Variants in CNTNAP2 observed in about 807,000 individuals in gnomAD.
CNTNAP2 encodes the protein contactin-associated protein-like 2.
CNTNAP2 carries 98 observed loss-of-function variants against 155.2 expected under a neutral mutation model. The observed-to-expected ratio is 0.63, with a 90% CI of 0.54 to 0.75. The LOEUF (loss-of-function observed/expected upper bound fraction) is 0.75, where lower values mean the gene tolerates loss of function less well. Ranked by LOEUF, CNTNAP2 falls within the 30% of genes least tolerant of loss-of-function variation. The probability of loss-of-function intolerance (pLI) is 0.00; values close to 1 mark genes in which losing one functional copy is unlikely to be tolerated. For missense variants in CNTNAP2, 1,727 were observed against 1,688.1 expected, an observed-to-expected ratio of 1.02 and a Z score of -0.40; for synonymous variants, 651 against 631.2, an observed-to-expected ratio of 1.03 and a Z score of -0.47.
In CNTNAP2 at chr7:147,108,318, A is replaced by G. The variant is rs1288111062; in HGVS notation, c.722A>G (p.Lys241Arg). The G allele has an allele frequency of 5.0e-6, 8 of 1,613,552 alleles. No individual in the cohort carries two copies. Among genetic ancestry groups the G allele is most frequent in the Non-Finnish European group, 6.8e-6 (8 of 1,179,760 alleles). ...GGAGATTACATTACCTTGGAACTGA[A>G]AAAAGCCAAGCTGGTCCTCAGTTTA... ...QQGDYITLEL[K>R]KAKLVLSLNL... The change falls in exon 5 of 24, where the codon AAA (lysine) becomes AGA (arginine). Residue 241 changes from lysine (K) to arginine (R), a missense_variant. Physicochemically the swap from Lys to Arg is conservative, Grantham distance 26. Transcript: ENST00000361727.
At chr7:147,582,477 T>A (rs146765704) in intron 12 of CNTNAP2, among the ~76,000 whole-genome samples, 480 of 152,214 alleles carry the variant, frequency 3.2e-3, no homozygotes, top group African/African-American at 0.011. Flanking sequence ...TTTCCTATAT[T>A]TAATATGCAG....
chr7:148,099,889 T>TG (rs1804061031), intron 15 of CNTNAP2, among the ~76,000 whole-genome samples: 2 of 136,472 alleles, frequency 1.5e-5, no homozygotes, highest in African/African-American at 5.9e-5. Flanking sequence ...TTTTTTTTTT[T>TG]TGAGACGGAG....
chr7:147,823,864 A>G (rs17170687), intron 13 of CNTNAP2, among the ~76,000 whole-genome samples: 1,695 of 152,274 alleles, frequency 0.011, 96 homozygotes, highest in Admixed American at 0.091. Context: ...GCATTTTGGT[A>G]TTAATTTGTA....
intron 1 of CNTNAP2, among the ~76,000 whole-genome samples, chr7:146,498,296 T>A (rs1786688662): frequency 6.6e-6 from 1 of 152,170 alleles, no homozygotes. Context: ...TTTGGGAGCC[T>A]CCTTGGCCAT....
intron 1 of CNTNAP2, among the ~76,000 whole-genome samples, chr7:146,409,253 G>A (rs802202): frequency 0.034 from 5,132 of 152,136 alleles, 310 homozygotes; most frequent in African/African-American, 0.12. Context: ...GTCATTTTGC[G>A]AGGCTAATAA....
intron 9 of CNTNAP2, among the ~76,000 whole-genome samples, chr7:147,310,311 T>C (rs1795099987): frequency 6.6e-6 from 1 of 152,172 alleles, no homozygotes; most frequent in Admixed American, 6.5e-5. Context: ...TCAAAAACTC[T>C]TTGACTTTCA....
intron 13 of CNTNAP2, among the ~76,000 whole-genome samples, chr7:147,693,578 T>C (rs908790591): frequency 6.6e-6 from 1 of 152,026 alleles, no homozygotes; most frequent in African/African-American, 2.4e-5. Flanking sequence ...AGGTATATCA[T>C]TTTCGGGGGG....
chr7:148,203,897 GC>G (rs1382929403), intron 18 of CNTNAP2, among the ~76,000 whole-genome samples: 1 of 152,160 alleles, frequency 6.6e-6, no homozygotes, highest in African/African-American at 2.4e-5. Flanking sequence ...GTGCTCCTGG[GC>G]CTGACCACCT....
chr7:148,217,664 C>T (rs1795669912), intron 19 of CNTNAP2, 140 bp downstream of exon 19: 2 of 890,142 alleles, frequency 2.2e-6, no homozygotes, highest in Middle Eastern at 2.5e-4. Flanking sequence ...TCTTTGAACC[C>T]CATTTCTCTC....
intron 3 of CNTNAP2, among the ~76,000 whole-genome samples, chr7:146,848,371 A>T (rs1794803196): frequency 6.6e-6 from 1 of 152,234 alleles, no homozygotes; most frequent in South Asian, 2.1e-4. Context: ...TTTGATAAAT[A>T]GGCACTCACT....
At chr7:147,941,923 T>C (rs1800729780) in intron 14 of CNTNAP2, among the ~76,000 whole-genome samples, 2 of 152,236 alleles carry the variant, frequency 1.3e-5, no homozygotes, top group Admixed American at 6.5e-5. Context: ...ATATTTAAAG[T>C]GTGTACGTTC....
At position 147,373,968 on chromosome 7, in the gene CNTNAP2, A is replaced by G. The variant is rs569762778; in HGVS notation, c.1499-21641A>G. ...CAGATAAATTTATCAGGAAAAAAAA[A>G]GCAAACATAGACTGCAAATCCCTTT... On this transcript the variant is annotated intron_variant, in intron 9 of 23. Transcript: ENST00000361727. 2.6e-4 allele frequency among the ~76,000 whole-genome samples: 39 copies of G among 152,158 alleles called. 1 individual carries two copies. In the South Asian group the frequency reaches 7.0e-3, roughly 27 times the overall value.
intron 1 of CNTNAP2, among the ~76,000 whole-genome samples, chr7:146,275,318 A>G (rs549644220): frequency 6.6e-6 from 1 of 152,218 alleles, no homozygotes; most frequent in Non-Finnish European, 1.5e-5. Flanking sequence ...TAACTTAACA[A>G]GACTATAGTG....
At chr7:147,051,242 G>A (rs1250883373) in intron 4 of CNTNAP2, among the ~76,000 whole-genome samples, 3 of 149,732 alleles carry the variant, frequency 2.0e-5, no homozygotes, top group African/African-American at 7.3e-5. Context: ...GTTTAAGTGA[G>A]CAAAAAATAA....
intron 12 of CNTNAP2, among the ~76,000 whole-genome samples, chr7:147,578,884 C>G (rs1393567516): frequency 6.6e-6 from 1 of 152,058 alleles, no homozygotes; most frequent in Non-Finnish European, 1.5e-5. Flanking sequence ...AGAAAACTCA[C>G]AAAGTTTATG....
At chr7:147,220,412 AT>A (rs1305497733) in intron 8 of CNTNAP2, among the ~76,000 whole-genome samples, 2 of 152,090 alleles carry the variant, frequency 1.3e-5, no homozygotes, top group Non-Finnish European at 2.9e-5. Context: ...GTTGAGTCTT[AT>A]TTCTTGATTC....
intron 1 of CNTNAP2, among the ~76,000 whole-genome samples, chr7:146,631,192 G>A (rs1799504976): frequency 6.6e-6 from 1 of 152,078 alleles, no homozygotes; most frequent in African/African-American, 2.4e-5. Context: ...ATACAGCATG[G>A]TACTGGTACC....
chr7:147,907,762 T>C (rs1799988075), intron 14 of CNTNAP2, among the ~76,000 whole-genome samples: 1 of 152,048 alleles, frequency 6.6e-6, no homozygotes, highest in Non-Finnish European at 1.5e-5. Context: ...GCAATTCTAT[T>C]GCATTATTTT....
chr7:146,473,831 A>G (rs1181957342), intron 1 of CNTNAP2, among the ~76,000 whole-genome samples: 1 of 152,156 alleles, frequency 6.6e-6, no homozygotes, highest in Non-Finnish European at 1.5e-5. Flanking sequence ...TGTCTCAAGT[A>G]TTGTTTTGTT....
Sources: allele counts gnomAD v4.1 joint callset (sites outside exome capture counted in the v4.1 genomes callset), GRCh38; gene constraint gnomAD v4.1.1; transcripts MANE v1.5; gene names NCBI Gene and HGNC (gene_info 2026-07-23, HGNC 2026-07-21).